SAMD3: variants seen among roughly 807,000 people sequenced by gnomAD.
The protein encoded by SAMD3 is sterile alpha motif domain containing 3.
SAMD3 carries 63 observed loss-of-function variants against 58.5 expected under a neutral mutation model. That is an observed-to-expected ratio of 1.08 (90% CI 0.88 to 1.33). SAMD3 has a LOEUF of 1.33. Ranked by LOEUF, SAMD3 falls within the 40% of genes most tolerant of loss-of-function variation. The pLI is 0.00. For synonymous variants in SAMD3, 220 were observed against 210.3 expected (o/e 1.05, Z -0.40); for missense variants, 604 against 608.4 (o/e 0.99, Z 0.08).
chr6:130,220,461 G>T (rs1258282228), intron 1 of SAMD3, among the ~76,000 whole-genome samples: 2 of 152,178 alleles, frequency 1.3e-5, no homozygotes, highest in East Asian at 3.8e-4. Context: ...GTTTATCCCT[G>T]CTTCTGCCTC....
chr6:130,235,254 A>G (rs1773106135), intron 2 of SAMD3, among the ~76,000 whole-genome samples: 1 of 152,240 alleles, frequency 6.6e-6, no homozygotes, highest in South Asian at 2.1e-4. Flanking sequence ...GTCTTCTGGT[A>G]GAACTAAATC....
At chr6:130,305,980 A>G (rs944504944) in intron 2 of SAMD3, among the ~76,000 whole-genome samples, 1 of 152,222 alleles carries the variant, frequency 6.6e-6, no homozygotes, top group Non-Finnish European at 1.5e-5. Context: ...CTTTTGGTTC[A>G]TAGATGATGC....
chr6:130,261,507 C>T (rs1774137795), intron 2 of SAMD3, among the ~76,000 whole-genome samples: 1 of 152,102 alleles, frequency 6.6e-6, no homozygotes, highest in Admixed American at 6.5e-5. Flanking sequence ...TCTGGATACT[C>T]TGATTTTGGT....
chr6:130,176,349 CA>C (rs1791724914), intron 7 of SAMD3, among the ~76,000 whole-genome samples: 1 of 152,238 alleles, frequency 6.6e-6, no homozygotes, highest in African/African-American at 2.4e-5. Flanking sequence ...TCTGTCTCCA[CA>C]ACCAATTCCA....
At chr6:130,333,259 G>A (rs1444072542) in intron 1 of SAMD3, among the ~76,000 whole-genome samples, 1 of 152,282 alleles carries the variant, frequency 6.6e-6, no homozygotes, top group East Asian at 1.9e-4. Context: ...ATGCAAAAGA[G>A]TATTTGTTGT....
chr6:130,360,313 A>G (rs547009141), intron 1 of SAMD3, among the ~76,000 whole-genome samples: 19 of 152,314 alleles, frequency 1.2e-4, no homozygotes, highest in South Asian at 2.1e-4. Context: ...ACCTGCCCCA[A>G]TAGTCATGTA....
chr6:130,302,344 T>C (rs2326940), intron 2 of SAMD3, among the ~76,000 whole-genome samples: 25,665 of 152,090 alleles, frequency 0.17, 2,419 homozygotes, highest in East Asian at 0.36. Flanking sequence ...TCAACACTAA[T>C]CATCAGAGAA....
chr6:130,196,278 T>C (rs1157603827), intron 5 of SAMD3, among the ~76,000 whole-genome samples: 1 of 152,148 alleles, frequency 6.6e-6, no homozygotes, highest in Non-Finnish European at 1.5e-5. Flanking sequence ...ATCTTCTTCC[T>C]CATACCTGAT....
intron 1 of SAMD3, among the ~76,000 whole-genome samples, chr6:130,217,456 C>A (rs1796062989): frequency 6.6e-6 from 1 of 152,116 alleles, no homozygotes; most frequent in Admixed American, 6.5e-5. Flanking sequence ...ATGCTCCTGA[C>A]AAACCATTAT....
intron 1 of SAMD3, among the ~76,000 whole-genome samples, chr6:130,351,628 G>A (rs1242234555): frequency 2.0e-5 from 3 of 152,100 alleles, no homozygotes; most frequent in African/African-American, 7.2e-5. Context: ...CACTGTTGGT[G>A]GGACTGTGAA....
intron 5 of SAMD3, among the ~76,000 whole-genome samples, chr6:130,192,193 A>G (rs1040704258): frequency 1.2e-4 from 19 of 152,248 alleles, no homozygotes; most frequent in South Asian, 6.2e-4. Flanking sequence ...AAAATATTGT[A>G]GAAAGGTTTA....
chr6:130,341,720 CTTG>C (rs1187478800), intron 1 of SAMD3, among the ~76,000 whole-genome samples: 1 of 152,000 alleles, frequency 6.6e-6, no homozygotes, highest in Non-Finnish European at 1.5e-5. Context: ...GAGTGGGAGG[CTTG>C]TTGTTATTTT....
At chr6:130,220,954 T>C (rs567095753) in intron 1 of SAMD3, among the ~76,000 whole-genome samples, 63 of 152,068 alleles carry the variant, frequency 4.1e-4, no homozygotes, top group Middle Eastern at 3.4e-3. Context: ...CCCGGGTTCA[T>C]GCCATTCTCC....
In SAMD3 at chr6:130,243,093, G is replaced by C. The variant is rs554197365; in HGVS notation, c.-187-20280C>G. Among the ~76,000 whole-genome samples the C allele has an allele frequency of 3.3e-5, 5 of 152,252 alleles. No individual in the cohort carries two copies. In the East Asian group the frequency reaches 7.7e-4, roughly 24 times the overall value. On this transcript the variant is annotated intron_variant, in intron 2 of 13. Transcript: ENST00000368134. ...AGTTGTTCCCCCGCTACAATCCCAA[G>C]AGCCTCATCTTTCTTTCACAGCCCA... is the stretch of plus-strand genomic sequence containing the variant.
rs1788431705 is a variant in SAMD3, at chr6:130,144,453, C to G, written c.*67G>C. 2 of 1,514,250 alleles carry G rather than the reference C, an allele frequency of 1.3e-6. No homozygotes were observed. Among genetic ancestry groups the G allele is most frequent in the Admixed American group, 2.0e-5 (1 of 50,228 alleles). 93.8% of individuals were successfully genotyped at this position (1,514,250 alleles called of 1,614,324 possible). A position where few individuals can be genotyped will look rare whatever the true frequency, so the allele number is the denominator to read the frequency against. On this transcript the variant is annotated 3_prime_UTR_variant, in exon 12 of 12. Coordinates refer to ENST00000439090, the MANE Select transcript of SAMD3 (RefSeq NM_001017373.4). ...ACCTACCTCTACCACAACCCTAAAT[C>G]AAAACAATTTCTTATGAAGCTTCAG...
chr6:130,196,783 T>C (rs1034087237), intron 5 of SAMD3, among the ~76,000 whole-genome samples: 249 of 152,358 alleles, frequency 1.6e-3, no homozygotes, highest in Non-Finnish European at 2.9e-3. Flanking sequence ...GTCAGATAAC[T>C]AAAATACCTC....
intron 2 of SAMD3, among the ~76,000 whole-genome samples, chr6:130,299,653 AG>A (rs2114973480): frequency 6.6e-6 from 1 of 152,292 alleles, no homozygotes; most frequent in South Asian, 2.1e-4. Flanking sequence ...AACCAGACAA[AG>A]GATCAACAAA....
intron 1 of SAMD3, among the ~76,000 whole-genome samples, chr6:130,323,008 G>C (rs990193340): frequency 6.6e-6 from 1 of 152,066 alleles, no homozygotes; most frequent in Non-Finnish European, 1.5e-5. Context: ...AGTCAGACAA[G>C]GACTATCATG....
chr6:130,233,344 T>C (rs1281496010), intron 2 of SAMD3, among the ~76,000 whole-genome samples: 2 of 152,226 alleles, frequency 1.3e-5, no homozygotes. Context: ...GGTGGTTTGC[T>C]GCACCCATCA....
Sources: allele counts gnomAD v4.1 joint callset (sites outside exome capture counted in the v4.1 genomes callset), GRCh38; gene constraint gnomAD v4.1.1; transcripts MANE v1.5; gene names NCBI Gene and HGNC (gene_info 2026-07-23, HGNC 2026-07-21).